Variants in ARB2A observed in about 807,000 individuals in gnomAD.
ARB2A encodes the protein ARB2 cotranscriptional regulator A, also known as cotranscriptional regulator ARB2A.
the ARB2A span, among the ~76,000 whole-genome samples, chr5:93,854,344 T>G: frequency 2.0e-5 from 3 of 152,204 alleles, no homozygotes; most frequent in Non-Finnish European, 4.4e-5. Flanking sequence ...GAGTCTTCTC[T>G]CTTTTCTTCT....
At chr5:93,670,952 A>G in the ARB2A span, among the ~76,000 whole-genome samples, 1 of 152,118 alleles carries the variant, frequency 6.6e-6, no homozygotes, top group South Asian at 2.1e-4. Flanking sequence ...GAGGAAAGTG[A>G]TTTTCTTATA....
At chr5:93,945,943 A>G in the ARB2A span, among the ~76,000 whole-genome samples, 1 of 152,184 alleles carries the variant, frequency 6.6e-6, no homozygotes, top group Non-Finnish European at 1.5e-5. Flanking sequence ...AATGGTTTCA[A>G]GACTTTCAAA....
chr5:93,822,631 GAT>G, the ARB2A span, among the ~76,000 whole-genome samples: 1 of 151,588 alleles, frequency 6.6e-6, no homozygotes, highest in Non-Finnish European at 1.5e-5. Context: ...GAGATATAGA[GAT>G]ATATATATCT....
At chr5:93,641,618 A>G in the ARB2A span, among the ~76,000 whole-genome samples, 1 of 152,210 alleles carries the variant, frequency 6.6e-6, no homozygotes, top group African/African-American at 2.4e-5. Context: ...GAAAACCTAT[A>G]GTATCAAGAA....
chr5:93,816,843 C>G, the ARB2A span, among the ~76,000 whole-genome samples: 1 of 152,112 alleles, frequency 6.6e-6, no homozygotes, highest in Non-Finnish European at 1.5e-5. Flanking sequence ...CAACTAATAT[C>G]ATACTTAATG....
At chr5:93,903,739 G>GTGTA in the ARB2A span, among the ~76,000 whole-genome samples, 2 of 151,372 alleles carry the variant, frequency 1.3e-5, no homozygotes, top group Non-Finnish European at 3.0e-5. Flanking sequence ...GTGTGTGTGT[G>GTGTA]TGTGTATAGT....
the ARB2A span, among the ~76,000 whole-genome samples, chr5:94,094,805 C>T: frequency 6.6e-6 from 1 of 152,180 alleles, no homozygotes; most frequent in African/African-American, 2.4e-5. Flanking sequence ...CAAAACCATT[C>T]TCAGTTTCCA....
chr5:93,918,163 CAACT>C, the ARB2A span, among the ~76,000 whole-genome samples: 22 of 152,266 alleles, frequency 1.4e-4, no homozygotes, highest in African/African-American at 4.3e-4. Context: ...AACCAATCAA[CAACT>C]AAACTCACCA....
chr5:94,049,772 G>T, the ARB2A span, among the ~76,000 whole-genome samples: 1 of 152,196 alleles, frequency 6.6e-6, no homozygotes, highest in African/African-American at 2.4e-5. Flanking sequence ...AGTGAGCCAA[G>T]ATCGTGACAC....
the ARB2A span, among the ~76,000 whole-genome samples, chr5:94,063,229 G>T: frequency 6.6e-6 from 1 of 151,972 alleles, no homozygotes; most frequent in Non-Finnish European, 1.5e-5. Context: ...CCATCCAGGG[G>T]CCTGGGGATT....
the ARB2A span, among the ~76,000 whole-genome samples, chr5:93,651,197 G>A: frequency 1.3e-4 from 20 of 151,646 alleles, no homozygotes; most frequent in Admixed American, 1.2e-3. Flanking sequence ...GTGCAGTGGT[G>A]CAACCAGGGC....
At chr5:94,079,360 C>G in the ARB2A span, among the ~76,000 whole-genome samples, 1 of 152,126 alleles carries the variant, frequency 6.6e-6, no homozygotes, top group Non-Finnish European at 1.5e-5. Flanking sequence ...CTATTCTTAT[C>G]CATTATCTGA....
At chr5:93,834,243 C>T in the ARB2A span, among the ~76,000 whole-genome samples, 1 of 152,128 alleles carries the variant, frequency 6.6e-6, no homozygotes, top group Admixed American at 6.5e-5. Context: ...ATTAGAAGAG[C>T]ACATGTAGCA....
chr5:93,830,309 GTGTATATATATATATATATA>G, the ARB2A span, among the ~76,000 whole-genome samples: 1 of 49,658 alleles, frequency 2.0e-5, no homozygotes, highest in African/African-American at 9.1e-5. Flanking sequence ...ATGTGTGTGT[GTGTATATATATATATATATA>G]TATATATATA....
At chr5:93,692,909 C>A in the ARB2A span, among the ~76,000 whole-genome samples, 2 of 152,096 alleles carry the variant, frequency 1.3e-5, no homozygotes, top group Non-Finnish European at 2.9e-5. Flanking sequence ...CACTCAAAAC[C>A]GCACAACTAC....
chr5:94,013,859 G>A, the ARB2A span, among the ~76,000 whole-genome samples: 1 of 152,292 alleles, frequency 6.6e-6, no homozygotes, highest in Admixed American at 6.5e-5. Flanking sequence ...AGAGATGTAA[G>A]AGGTAGATAG....
At chr5:93,978,371 C>T in the ARB2A span, among the ~76,000 whole-genome samples, 1 of 152,094 alleles carries the variant, frequency 6.6e-6, no homozygotes, top group African/African-American at 2.4e-5. Context: ...CCCAGGTGTC[C>T]ATCAATAGTA....
At chr5:94,053,636 T>A in the ARB2A span, among the ~76,000 whole-genome samples, 5 of 152,236 alleles carry the variant, frequency 3.3e-5, no homozygotes, top group Non-Finnish European at 5.9e-5. Context: ...TAATATAGCA[T>A]ATTATTCCAT....
the ARB2A span, among the ~76,000 whole-genome samples, chr5:94,023,759 T>A: frequency 6.6e-6 from 1 of 152,182 alleles, no homozygotes; most frequent in Non-Finnish European, 1.5e-5. Flanking sequence ...GGCTGGGCTA[T>A]CAAATTATGC....
Sources: gnomAD v4.1 joint callset for allele counts (sites outside exome capture counted in the v4.1 genomes callset) on GRCh38, gnomAD v4.1.1 for gene constraint, MANE v1.5 for transcripts, NCBI Gene and HGNC (gene_info 2026-07-23, HGNC 2026-07-21) for gene names.